The following MYZAP variants were observed in gnomAD, a reference collection of about 807,000 sequenced individuals.
The protein encoded by MYZAP is myocardial zonula adherens protein, also known as GRINL1A complex locus upstream.
A neutral mutation model predicts 69.4 loss-of-function variants in MYZAP; 66 were observed. The observed-to-expected ratio is 0.95, with a 90% confidence interval of 0.78 to 1.17. MYZAP has a LOEUF of 1.17. MYZAP is among the 50% of genes most tolerant of loss of function. The pLI, the probability that MYZAP is intolerant of heterozygous loss-of-function variation, is 0.00. For synonymous variants in MYZAP, 256 were observed against 205.9 expected, an observed-to-expected ratio of 1.24 and a Z score of -2.09; for missense variants, 611 against 556.2, an observed-to-expected ratio of 1.10 and a Z score of -0.99.
At chr15:57,646,644 C>T in intron 10 of MYZAP, 1 of 992,246 alleles carries the variant, frequency 1.0e-6, no homozygotes, top group Non-Finnish European at 1.2e-6. Flanking sequence ...ACCAGATCAC[C>T]CCCAAGAAAG....
chr15:57,623,461 G>A (rs192679612), intron 4 of MYZAP, among the ~76,000 whole-genome samples: 24 of 152,252 alleles, frequency 1.6e-4, no homozygotes, highest in African/African-American at 5.8e-4. Context: ...GGACAGGCAC[G>A]GTGGCTCACG....
At chr15:57,600,943 T>G (rs1023178541) in intron 1 of MYZAP, among the ~76,000 whole-genome samples, 1 of 151,968 alleles carries the variant, frequency 6.6e-6, no homozygotes, top group Non-Finnish European at 1.5e-5. Context: ...CCAGGCATGG[T>G]GATGCATGCC....
intron 11 of MYZAP, among the ~76,000 whole-genome samples, chr15:57,669,204 T>A (rs888238589): frequency 5.9e-5 from 9 of 152,270 alleles, no homozygotes; most frequent in Admixed American, 3.3e-4. Flanking sequence ...GAAGAGATTT[T>A]TTATTTTTGG....
At chr15:57,616,171 C>G (rs1405845088) in intron 2 of MYZAP, among the ~76,000 whole-genome samples, 3 of 152,190 alleles carry the variant, frequency 2.0e-5, no homozygotes, top group Non-Finnish European at 4.4e-5. Flanking sequence ...ACTTACTGTT[C>G]TGCCACAATG....
At chr15:57,680,431 A>G (rs1303906539) in intron 12 of MYZAP, among the ~76,000 whole-genome samples, 1 of 151,882 alleles carries the variant, frequency 6.6e-6, no homozygotes, top group Non-Finnish European at 1.5e-5. Context: ...ATCTCTTCAT[A>G]AAGAGAGAGG....
chr15:57,624,288 C>A (rs2035993876), intron 4 of MYZAP, among the ~76,000 whole-genome samples: 1 of 152,192 alleles, frequency 6.6e-6, no homozygotes, highest in South Asian at 2.1e-4. Flanking sequence ...TTACAACAGT[C>A]ATGCATCAGA....
chr15:57,658,059 A>T (rs956092422), intron 10 of MYZAP, among the ~76,000 whole-genome samples: 23 of 152,122 alleles, frequency 1.5e-4, no homozygotes, highest in African/African-American at 5.3e-4. Context: ...TTTACTTTTC[A>T]TGTCAAAGGA....
chr15:57,657,174 C>T (rs2038051031), intron 10 of MYZAP, among the ~76,000 whole-genome samples: 1 of 152,222 alleles, frequency 6.6e-6, no homozygotes, highest in South Asian at 2.1e-4. Context: ...TCACAAGCCA[C>T]TCTGATTTCT....
At chr15:57,626,550 T>C (rs1476842640) in intron 5 of MYZAP, among the ~76,000 whole-genome samples, 4 of 152,176 alleles carry the variant, frequency 2.6e-5, no homozygotes, top group Admixed American at 6.5e-5. Flanking sequence ...GCAAATTAAT[T>C]TGAAAATGTT....
chr15:57,599,987 T>C (rs1216988349), intron 1 of MYZAP, among the ~76,000 whole-genome samples: 1 of 152,214 alleles, frequency 6.6e-6, no homozygotes, highest in Non-Finnish European at 1.5e-5. Flanking sequence ...ACTACTATTA[T>C]TATTTTAATC....
At chr15:57,634,995 T>C (rs1281996051) in intron 8 of MYZAP, among the ~76,000 whole-genome samples, 1 of 152,126 alleles carries the variant, frequency 6.6e-6, no homozygotes, top group East Asian at 1.9e-4. Flanking sequence ...GCTCTCTCTC[T>C]GGGCAGCAGG....
intron 11 of MYZAP, among the ~76,000 whole-genome samples, chr15:57,673,252 G>A (rs1279589079): frequency 6.6e-6 from 1 of 152,108 alleles, no homozygotes; most frequent in Non-Finnish European, 1.5e-5. Flanking sequence ...CCTACCTATA[G>A]GTATTAGACC....
Position 57,614,701 on chromosome 15 carries a change from T to G in MYZAP, c.163-3332T>G, listed in dbSNP as rs1368422280. ...TGGGACCTGAGAGCAGGCTCTTGGG[T>G]TCCTACGGCTGGAGACCCTGGGATG... is the stretch of plus-strand genomic sequence containing the variant. On this transcript the variant is annotated intron_variant, in intron 2 of 12. Transcript: ENST00000267853. 2.0e-5 allele frequency among the ~76,000 whole-genome samples: 3 copies of G among 152,206 alleles called. No homozygotes were observed. The East Asian group carries it at 5.8e-4, about 29-fold the overall frequency.
intron 9 of MYZAP, among the ~76,000 whole-genome samples, chr15:57,638,952 A>T (rs1019862466): frequency 6.6e-6 from 1 of 152,212 alleles, no homozygotes; most frequent in Non-Finnish European, 1.5e-5. Context: ...CAAAAAAATT[A>T]TCTCTCAGCC....
intron 1 of MYZAP, among the ~76,000 whole-genome samples, chr15:57,598,346 G>A (rs1187625890): frequency 1.3e-5 from 2 of 152,138 alleles, no homozygotes; most frequent in East Asian, 3.9e-4. Flanking sequence ...CCTTCCCAGG[G>A]GGGTTGGTTT....
intron 12 of MYZAP, among the ~76,000 whole-genome samples, chr15:57,680,169 C>G (rs2140664139): frequency 6.6e-6 from 1 of 152,208 alleles, no homozygotes; most frequent in African/African-American, 2.4e-5. Flanking sequence ...CACTGCTTTC[C>G]CAGCTACCTA....
chr15:57,637,622 A>G, intron 8 of MYZAP, 73 bp from the exon 9 acceptor site: 5 of 1,538,116 alleles, frequency 3.3e-6, no homozygotes, highest in South Asian at 1.2e-5. Flanking sequence ...CCCTAGTGCT[A>G]GAATTGCTAA....
At chr15:57,647,201 G>A (rs2037488037) in intron 10 of MYZAP, 5 of 985,312 alleles carry the variant, frequency 5.1e-6, no homozygotes, top group South Asian at 9.4e-5. Context: ...TAAGCAAGGA[G>A]GGAGGGGATG....
intron 2 of MYZAP, among the ~76,000 whole-genome samples, chr15:57,614,726 G>A (rs1404171360): frequency 6.6e-6 from 1 of 152,114 alleles, no homozygotes; most frequent in Non-Finnish European, 1.5e-5. Flanking sequence ...ACCCTGGGAT[G>A]CTACATGGAG....
Sources: allele counts gnomAD v4.1 joint callset (sites outside exome capture counted in the v4.1 genomes callset), GRCh38; gene constraint gnomAD v4.1.1; transcripts MANE v1.5; gene names NCBI Gene and HGNC (gene_info 2026-07-23, HGNC 2026-07-21).